SGCD: variants seen among roughly 807,000 people sequenced by gnomAD.
SGCD encodes the protein delta-sarcoglycan.
SGCD carries 18 observed loss-of-function variants against 36.6 expected under a neutral mutation model. The observed-to-expected ratio is 0.49, with a 90% confidence interval of 0.34 to 0.73. SGCD has a LOEUF of 0.73. Among genes scored for constraint, SGCD ranks in the 30% least tolerant of loss-of-function variants. The pLI is 0.01. For synonymous variants in SGCD, 133 were observed against 130.6 expected (o/e 1.02, Z -0.12); for missense variants, 387 against 346.7 (o/e 1.12, Z -0.92).
upstream of SGCD, among the ~76,000 whole-genome samples, chr5:155,868,360 C>CTTTTTTTTTT (rs10532701): frequency 2.7e-5 from 3 of 110,732 alleles, no homozygotes; most frequent in Non-Finnish European, 1.8e-5. Flanking sequence ...CCCTTTTTTT[C>CTTTTTTTTTT]TTTTTTTTTT....
intron 3 of SGCD, among the ~76,000 whole-genome samples, chr5:156,430,806 T>C (rs1290203645): frequency 6.6e-6 from 1 of 152,160 alleles, no homozygotes; most frequent in Admixed American, 6.5e-5. Flanking sequence ...CCAGATGTGG[T>C]TGTAGTCGTT....
chr5:155,910,440 G>A (rs997184793), intron 1 of SGCD, among the ~76,000 whole-genome samples: 25 of 151,992 alleles, frequency 1.6e-4, no homozygotes, highest in African/African-American at 5.3e-4. Flanking sequence ...ACAGACAAGC[G>A]GAATTAGGGC....
At chr5:156,261,540 C>T (rs1450856893) in intron 3 of SGCD, among the ~76,000 whole-genome samples, 1 of 152,132 alleles carries the variant, frequency 6.6e-6, no homozygotes, top group East Asian at 1.9e-4. Context: ...ACCTGCACTG[C>T]CATTATCTAA....
chr5:156,322,641 A>G (rs1308661551), upstream of SGCD, among the ~76,000 whole-genome samples: 1 of 152,224 alleles, frequency 6.6e-6, no homozygotes, highest in Admixed American at 6.5e-5. Context: ...GCTGAATAAG[A>G]GATAACTGCA....
intron 3 of SGCD, among the ~76,000 whole-genome samples, chr5:156,233,758 G>A (rs1419441098): frequency 1.3e-5 from 2 of 152,156 alleles, no homozygotes; most frequent in African/African-American, 4.8e-5. Flanking sequence ...GGTGGTGCCT[G>A]CCTATAGTCC....
intron 1 of SGCD, among the ~76,000 whole-genome samples, chr5:156,108,247 C>T (rs992965403): frequency 6.6e-6 from 1 of 151,984 alleles, no homozygotes; most frequent in Non-Finnish European, 1.5e-5. Context: ...TTAAATTACA[C>T]GACTTTACTC....
chr5:155,779,318 C>T, the SGCD span, among the ~76,000 whole-genome samples: 244 of 152,120 alleles, frequency 1.6e-3, no homozygotes, highest in South Asian at 1.9e-3. Context: ...CATTCCTGTG[C>T]TCCCATCTGC....
the SGCD span, among the ~76,000 whole-genome samples, chr5:155,826,947 T>C: frequency 6.6e-6 from 1 of 152,222 alleles, no homozygotes; most frequent in Admixed American, 6.5e-5. Context: ...CTATACGTGC[T>C]CAGGAAATAT....
rs576380051 is a variant in SGCD, at chr5:156,201,329, T to A, written c.-44+77310T>A. Among the ~76,000 whole-genome samples, 146 of 152,290 alleles carry A rather than the reference T, an allele frequency of 9.6e-4. 1 individual carries two copies. The highest frequency in any genetic ancestry group is 3.3e-3 in the African/African-American group (139 of 41,580). On this transcript the variant is annotated intron_variant, in intron 3 of 9. Coordinates refer to the SGCD transcript ENST00000517913. The stretch of plus-strand genomic sequence containing the variant: ...TATCACTGTTATTTTTAAAACAGTA[T>A]GTTTGATATTTTGAAAAACTGAGGA...
intron 4 of SGCD, among the ~76,000 whole-genome samples, chr5:156,577,846 A>T (rs1168424817): frequency 6.6e-6 from 1 of 152,230 alleles, no homozygotes; most frequent in Non-Finnish European, 1.5e-5. Context: ...TAAATATACA[A>T]TCATGTCATC....
chr5:156,726,027 C>T (rs919101536), intron 7 of SGCD, among the ~76,000 whole-genome samples: 1 of 152,164 alleles, frequency 6.6e-6, no homozygotes, highest in African/African-American at 2.4e-5. Flanking sequence ...TAGTCATCTC[C>T]AAAGCATTTT....
chr5:156,315,002 C>A (rs1358400900), intron 3 of SGCD, among the ~76,000 whole-genome samples: 1 of 151,974 alleles, frequency 6.6e-6, no homozygotes, highest in Non-Finnish European at 1.5e-5. Flanking sequence ...ATAATCACCA[C>A]AATCAATCTA....
chr5:156,174,598 G>A (rs778253195), intron 3 of SGCD, among the ~76,000 whole-genome samples: 8 of 152,180 alleles, frequency 5.3e-5, no homozygotes, highest in Non-Finnish European at 7.3e-5. Context: ...GACAGTTGGT[G>A]CTCCTGGTTT....
intron 3 of SGCD, among the ~76,000 whole-genome samples, chr5:156,234,545 G>A (rs1765107526): frequency 6.6e-6 from 1 of 152,102 alleles, no homozygotes; most frequent in Admixed American, 6.6e-5. Context: ...GTGAAAACAT[G>A]ATTTTGTTTT....
intron 3 of SGCD, among the ~76,000 whole-genome samples, chr5:156,448,597 A>G (rs1250176784): frequency 2.6e-5 from 4 of 152,138 alleles, no homozygotes; most frequent in Admixed American, 2.6e-4. Flanking sequence ...GCATTTCTGC[A>G]TATACATATA....
At chr5:156,354,845 G>A (rs1053750563) in intron 3 of SGCD, among the ~76,000 whole-genome samples, 7 of 152,182 alleles carry the variant, frequency 4.6e-5, no homozygotes, top group Non-Finnish European at 1.0e-4. Context: ...GTCCTTCCAT[G>A]GTAGACAGGG....
intron 3 of SGCD, among the ~76,000 whole-genome samples, chr5:156,317,053 G>A (rs979205961): frequency 5.3e-5 from 8 of 152,096 alleles, no homozygotes; most frequent in Non-Finnish European, 8.8e-5. Flanking sequence ...AATTAATTGT[G>A]ATAATTAAGT....
In SGCD at chr5:156,762,174, A is replaced by ATCTT. The variant is rs1757511794; in HGVS notation, c.*2786_*2789dup. 1 of 152,594 alleles carries ATCTT rather than the reference A, an allele frequency of 6.6e-6. No homozygotes were observed. 9.5% of individuals were successfully genotyped at this position (152,594 alleles called of 1,614,324 possible). On this transcript the variant is annotated 3_prime_UTR_variant, in exon 9 of 9. Coordinates refer to ENST00000337851, the MANE Select transcript of SGCD (RefSeq NM_000337.6). ...TTTTTAAAAAATGAGATTCTTTCTAATCTTTATATATGACATTTTCTAGAC... is the reference window on the plus strand; with the variant it reads ...TTTTTAAAAAATGAGATTCTTTCTAATCTTTCTTTATATATGACATTTTCTAGAC...
intron 3 of SGCD, among the ~76,000 whole-genome samples, chr5:156,391,019 C>A (rs1476200054): frequency 6.6e-6 from 1 of 152,150 alleles, no homozygotes; most frequent in Non-Finnish European, 1.5e-5. Flanking sequence ...ATATCCTAGG[C>A]TCTCACATTC....
Sources: allele counts gnomAD v4.1 joint callset (sites outside exome capture counted in the v4.1 genomes callset), GRCh38; gene constraint gnomAD v4.1.1; transcripts MANE v1.5; gene names NCBI Gene and HGNC (gene_info 2026-07-23, HGNC 2026-07-21).